Variants in ASIC2 observed in about 807,000 individuals in gnomAD.
The protein encoded by ASIC2 is acid sensing ion channel subunit 2.
A neutral mutation model predicts 57.3 loss-of-function variants in ASIC2; 25 were observed. The ratio of observed to expected loss-of-function variants is 0.44; its 90% CI spans 0.32 to 0.61. The LOEUF is 0.61. Among genes scored for constraint, ASIC2 ranks in the 20% least tolerant of loss-of-function variants. The pLI is 0.06. For missense variants in ASIC2, 641 were observed against 738.1 expected (o/e 0.87, Z 1.52); for synonymous variants, 319 against 307.5 (o/e 1.04, Z -0.39).
At chr17:34,025,814 A>G (rs1400949024) in intron 1 of ASIC2, among the ~76,000 whole-genome samples, 2 of 152,354 alleles carry the variant, frequency 1.3e-5, no homozygotes, top group East Asian at 3.9e-4. Context: ...CATGCATGTC[A>G]ATAAAAGGTC....
At chr17:33,276,425 T>C (rs866540015) in intron 1 of ASIC2, among the ~76,000 whole-genome samples, 1 of 152,182 alleles carries the variant, frequency 6.6e-6, no homozygotes, top group African/African-American at 2.4e-5. Flanking sequence ...TGCCCTGTTA[T>C]TGGCACGGCT....
intron 1 of ASIC2, among the ~76,000 whole-genome samples, chr17:33,255,686 A>G (rs1909042748): frequency 6.6e-6 from 1 of 152,118 alleles, no homozygotes; most frequent in African/African-American, 2.4e-5. Flanking sequence ...AGCATGTGCC[A>G]CTATGGTAAA....
chr17:33,916,391 C>A (rs999384242), intron 1 of ASIC2, among the ~76,000 whole-genome samples: 1 of 152,058 alleles, frequency 6.6e-6, no homozygotes, highest in Non-Finnish European at 1.5e-5. Flanking sequence ...TGAAGCCCAC[C>A]CAGAGAGGTG....
intron 1 of ASIC2, among the ~76,000 whole-genome samples, chr17:33,360,323 T>C (rs1300460114): frequency 6.6e-6 from 1 of 152,196 alleles, no homozygotes; most frequent in Admixed American, 6.5e-5. Flanking sequence ...AATGACTGAA[T>C]GTTTGCAAGC....
intron 1 of ASIC2, among the ~76,000 whole-genome samples, chr17:33,127,071 T>G (rs527637756): frequency 6.7e-6 from 1 of 149,772 alleles, no homozygotes; most frequent in Non-Finnish European, 1.5e-5. Context: ...GGGTTTCACC[T>G]TGTTAGCCAG....
intron 1 of ASIC2, among the ~76,000 whole-genome samples, chr17:33,177,485 C>T (rs1280361058): frequency 1.3e-5 from 2 of 152,140 alleles, no homozygotes; most frequent in South Asian, 2.1e-4. Context: ...ACACAAGTCA[C>T]AATTGGTGGA....
At chr17:33,864,694 T>G (rs1017160076) in intron 1 of ASIC2, among the ~76,000 whole-genome samples, 2 of 152,084 alleles carry the variant, frequency 1.3e-5, no homozygotes, top group African/African-American at 4.8e-5. Flanking sequence ...GGGTGGCAGG[T>G]GCCTTGGTGG....
intron 1 of ASIC2, among the ~76,000 whole-genome samples, chr17:33,210,836 G>T (rs952593080): frequency 2.6e-5 from 4 of 152,244 alleles, no homozygotes; most frequent in Middle Eastern, 3.4e-3. Context: ...GGGTACCCTT[G>T]TTTCCCACTT....
At chr17:33,726,670 C>G (rs974838836) in intron 1 of ASIC2, among the ~76,000 whole-genome samples, 3 of 152,202 alleles carry the variant, frequency 2.0e-5, no homozygotes, top group African/African-American at 7.2e-5. Flanking sequence ...AGCTGAAAAA[C>G]CCTGAGACAA....
intron 1 of ASIC2, among the ~76,000 whole-genome samples, chr17:33,267,240 C>T (rs927230715): frequency 1.3e-5 from 2 of 152,162 alleles, no homozygotes; most frequent in Non-Finnish European, 2.9e-5. Flanking sequence ...CTTACCCCCC[C>T]CAGGAAGCAA....
chr17:33,519,844 C>A (rs1914688727), intron 1 of ASIC2, among the ~76,000 whole-genome samples: 1 of 152,206 alleles, frequency 6.6e-6, no homozygotes, highest in Admixed American at 6.5e-5. Flanking sequence ...GAGCCAGGAA[C>A]TTCAACTGAC....
At chr17:33,594,665 A>G (rs896017546) in intron 1 of ASIC2, among the ~76,000 whole-genome samples, 1 of 151,860 alleles carries the variant, frequency 6.6e-6, no homozygotes, top group East Asian at 1.9e-4. Context: ...CATCTCTACT[A>G]AAAATACAAA....
intron 1 of ASIC2, chr17:34,002,368 G>C (rs1301563550): frequency 6.6e-6 from 1 of 152,238 alleles, no homozygotes; most frequent in African/African-American, 2.4e-5. Context: ...TTCCATCCCA[G>C]AAGTAGTATT....
chr17:33,312,049 A>G (rs1405210792), intron 1 of ASIC2, among the ~76,000 whole-genome samples: 3 of 152,188 alleles, frequency 2.0e-5, no homozygotes, highest in African/African-American at 7.2e-5. Context: ...ATAAAGACCT[A>G]GGTTTGAATA....
intron 1 of ASIC2, among the ~76,000 whole-genome samples, chr17:33,705,250 A>G (rs1046962858): frequency 7.9e-5 from 12 of 152,214 alleles, no homozygotes; most frequent in African/African-American, 1.9e-4. Context: ...AGAATTTTCT[A>G]TTGATTACCA....
chr17:33,173,616 T>C (rs1368461296), intron 1 of ASIC2, among the ~76,000 whole-genome samples: 2 of 152,190 alleles, frequency 1.3e-5, no homozygotes, highest in Non-Finnish European at 2.9e-5. Context: ...GACTTGTTTG[T>C]AGAAGAGACA....
rs187782772 is a variant in ASIC2, at chr17:33,988,169, G to A, written c.555+167809C>T. On this transcript the variant is annotated intron_variant, in intron 1 of 9. Coordinates refer to the ASIC2 transcript ENST00000359872. Reference sequence around the variant, plus strand: ...AAATATAATAGTGTAATTGTGAATCGTATAATATAGTATGGTGTGGTATAC... The same window carrying A: ...AAATATAATAGTGTAATTGTGAATCATATAATATAGTATGGTGTGGTATAC... Among the ~76,000 whole-genome samples, 185 of 152,276 alleles carry A rather than the reference G, an allele frequency of 1.2e-3. 1 individual carries two copies. The highest frequency in any genetic ancestry group is 3.8e-3 in the African/African-American group (157 of 41,568).
At chr17:33,702,196 T>C (rs1370767205) in intron 1 of ASIC2, among the ~76,000 whole-genome samples, 8 of 152,184 alleles carry the variant, frequency 5.3e-5, no homozygotes, top group Non-Finnish European at 4.4e-5. Context: ...CCTTCATCTG[T>C]AAAATGGTGA....
chr17:33,307,242 T>C (rs1213762118), intron 1 of ASIC2, among the ~76,000 whole-genome samples: 1 of 151,706 alleles, frequency 6.6e-6, no homozygotes, highest in African/African-American at 2.4e-5. Context: ...TCCTTCTTCT[T>C]CTTCCTCCTC....
Sources: gnomAD v4.1 joint callset for allele counts (sites outside exome capture counted in the v4.1 genomes callset) on GRCh38, gnomAD v4.1.1 for gene constraint, MANE v1.5 for transcripts, NCBI Gene and HGNC (gene_info 2026-07-23, HGNC 2026-07-21) for gene names.